Variants in GRAMD1B observed in about 807,000 individuals in gnomAD.
GRAMD1B encodes the protein protein Aster-B.
GRAMD1B carries 37 observed loss-of-function variants against 99.7 expected under a neutral mutation model. The observed-to-expected ratio is 0.37, with a 90% CI of 0.29 to 0.49. The LOEUF is 0.49. GRAMD1B is among the 20% of genes least tolerant of loss of function. GRAMD1B has a pLI of 0.98. For synonymous variants in GRAMD1B, 427 were observed against 387.6 expected, an observed-to-expected ratio of 1.10 and a Z score of -1.19; for missense variants, 888 against 1,009.2, an observed-to-expected ratio of 0.88 and a Z score of 1.63.
intron 1 of GRAMD1B, among the ~76,000 whole-genome samples, chr11:123,468,195 A>G (rs886206291): frequency 2.0e-5 from 3 of 152,150 alleles, no homozygotes; most frequent in South Asian, 2.1e-4. Context: ...TTCAAAAAGT[A>G]TGCACAAGGA....
At chr11:123,505,505 T>C (rs1940333424) in intron 2 of GRAMD1B, among the ~76,000 whole-genome samples, 1 of 152,198 alleles carries the variant, frequency 6.6e-6, no homozygotes, top group Non-Finnish European at 1.5e-5. Context: ...AACACCTAAC[T>C]CTTAGGTAAT....
chr11:123,542,540 G>A (rs1183379653), intron 2 of GRAMD1B, among the ~76,000 whole-genome samples: 1 of 152,228 alleles, frequency 6.6e-6, no homozygotes, highest in African/African-American at 2.4e-5. Flanking sequence ...TCTCCCTGGG[G>A]AAGAAGCATT....
At chr11:123,412,320 T>TA (rs1948080176) in intron 1 of GRAMD1B, among the ~76,000 whole-genome samples, 1 of 152,264 alleles carries the variant, frequency 6.6e-6, no homozygotes, top group South Asian at 2.1e-4. Context: ...AAAGAAAAAC[T>TA]AAAGCCATTT....
chr11:123,604,310 C>T (rs1952406758), intron 9 of GRAMD1B, among the ~76,000 whole-genome samples: 1 of 152,126 alleles, frequency 6.6e-6, no homozygotes, highest in African/African-American at 2.4e-5. Flanking sequence ...TGCCTGGGAG[C>T]ACTCAGTGAG....
At chr11:123,560,412 G>T (rs1946608019) in intron 2 of GRAMD1B, 2 of 1,179,978 alleles carry the variant, frequency 1.7e-6, no homozygotes, top group Non-Finnish European at 2.1e-6. Flanking sequence ...GGGGAGTCAT[G>T]CTTAAAATGC....
At chr11:123,422,446 C>T (rs1948478230) in intron 1 of GRAMD1B, among the ~76,000 whole-genome samples, 1 of 152,192 alleles carries the variant, frequency 6.6e-6, no homozygotes, top group African/African-American at 2.4e-5. Context: ...CTCCATACAG[C>T]CTAGTCGTCT....
At chr11:123,620,101 A>G (rs1195033480) in intron 19 of GRAMD1B, among the ~76,000 whole-genome samples, 1 of 152,224 alleles carries the variant, frequency 6.6e-6, no homozygotes, top group Non-Finnish European at 1.5e-5. Context: ...TGGAACTGTC[A>G]TCAGGATTTG....
chr11:123,437,824 C>G (rs1455635446), intron 1 of GRAMD1B, among the ~76,000 whole-genome samples: 2 of 152,198 alleles, frequency 1.3e-5, no homozygotes, highest in East Asian at 3.8e-4. Flanking sequence ...TGGAGGGAGA[C>G]TTGTTTCGGG....
At chr11:123,402,293 A>G (rs978702682) in intron 1 of GRAMD1B, among the ~76,000 whole-genome samples, 1 of 152,212 alleles carries the variant, frequency 6.6e-6, no homozygotes, top group African/African-American at 2.4e-5. Context: ...CTGGGATTAC[A>G]GGTACGAGCC....
At chr11:123,466,470 AAAG>A (rs1476462124) in intron 1 of GRAMD1B, among the ~76,000 whole-genome samples, 3 of 146,010 alleles carry the variant, frequency 2.1e-5, no homozygotes, top group Non-Finnish European at 3.0e-5. Context: ...GAAAGAAAGA[AAAG>A]AAAGAAAGAA....
chr11:123,417,920 C>T (rs1406570377), intron 1 of GRAMD1B, among the ~76,000 whole-genome samples: 1 of 152,102 alleles, frequency 6.6e-6, no homozygotes, highest in African/African-American at 2.4e-5. Flanking sequence ...GCCTCTATGC[C>T]TGGCTAATTT....
At chr11:123,453,849 T>C (rs1318383303) in intron 1 of GRAMD1B, among the ~76,000 whole-genome samples, 1 of 152,198 alleles carries the variant, frequency 6.6e-6, no homozygotes, top group African/African-American at 2.4e-5. Context: ...GGCTGAGCAA[T>C]GGAGCATCTG....
intron 1 of GRAMD1B, among the ~76,000 whole-genome samples, chr11:123,452,811 C>G (rs1456432741): frequency 2.0e-5 from 3 of 152,188 alleles, no homozygotes; most frequent in Non-Finnish European, 2.9e-5. Context: ...CCTTTTGCTT[C>G]TCTTCTAACC....
intron 1 of GRAMD1B, among the ~76,000 whole-genome samples, chr11:123,414,882 C>T (rs2135989218): frequency 6.6e-6 from 1 of 152,258 alleles, no homozygotes; most frequent in South Asian, 2.1e-4. Flanking sequence ...ATGAGTCTCG[C>T]TCTAGAGCCT....
At chr11:123,524,150 A>G (rs1257776263) in intron 2 of GRAMD1B, among the ~76,000 whole-genome samples, 1 of 152,108 alleles carries the variant, frequency 6.6e-6, no homozygotes, top group Non-Finnish European at 1.5e-5. Flanking sequence ...GCTTGCTTAT[A>G]GTACCCTACA....
intron 2 of GRAMD1B, among the ~76,000 whole-genome samples, chr11:123,573,886 G>A (rs1280196321): frequency 6.6e-6 from 1 of 152,088 alleles, no homozygotes; most frequent in African/African-American, 2.4e-5. Flanking sequence ...TCAGTTCAGC[G>A]GAAAACATGC....
At chr11:123,564,090 A>G (rs1947095425) in intron 2 of GRAMD1B, among the ~76,000 whole-genome samples, 1 of 152,210 alleles carries the variant, frequency 6.6e-6, no homozygotes, top group Non-Finnish European at 1.5e-5. Flanking sequence ...GAGGGGCAGG[A>G]CATGTGGCGT....
At chr11:123,589,126 T>TCCACAC (rs1950363589) in intron 4 of GRAMD1B, among the ~76,000 whole-genome samples, 1 of 151,606 alleles carries the variant, frequency 6.6e-6, no homozygotes. Flanking sequence ...TGTGGAGTCT[T>TCCACAC]CTGCTTGCGG....
At chr11:123,386,380 A>G (rs1947057803) in intron 1 of GRAMD1B, among the ~76,000 whole-genome samples, 1 of 150,410 alleles carries the variant, frequency 6.6e-6, no homozygotes, top group Admixed American at 6.6e-5. Flanking sequence ...GAGGCACTCA[A>G]TCTCTTCCAT....
Sources: allele counts gnomAD v4.1 joint callset (sites outside exome capture counted in the v4.1 genomes callset), GRCh38; gene constraint gnomAD v4.1.1; transcripts MANE v1.5; gene names NCBI Gene and HGNC (gene_info 2026-07-23, HGNC 2026-07-21).